The following HEXIM1 variants were observed in gnomAD, a reference collection of about 807,000 sequenced individuals.
HEXIM1 encodes HEXIM P-TEFb complex subunit 1, also known as protein HEXIM1.
Under a neutral mutation model 30.3 loss-of-function variants are expected in HEXIM1, and 1 was observed. The observed-to-expected ratio is 0.03, with a 90% confidence interval of 0.01 to 0.16. HEXIM1 has a LOEUF of 0.16. Ranked by LOEUF, HEXIM1 falls within the 10% of genes least tolerant of loss-of-function variation. The probability of loss-of-function intolerance (pLI) is 1.00; values close to 1 mark genes in which losing one functional copy is unlikely to be tolerated. For missense variants in HEXIM1, 391 were observed against 476.4 expected (o/e 0.82, Z 1.67); for synonymous variants, 245 against 208.3 (o/e 1.18, Z -1.52).
Position 45,149,241 on chromosome 17 carries a change from C to A in HEXIM1, c.51C>A (p.Asn17Lys). Residue 17 changes from asparagine (N) to lysine (K), a missense_variant, in exon 1 of 1, where the codon AAC becomes AAA. By Grantham distance (94) the Asn-to-Lys change is moderately conservative (BLOSUM62 0). Coordinates refer to ENST00000332499, the MANE Select transcript of HEXIM1 (RefSeq NM_006460.3). The surrounding 1 kb of genome is among the most constrained non-coding windows in gnomAD (Gnocchi z 5.3). The stretch of plus-strand genomic sequence containing the variant: ...ATCAACACCAGCCTCAAACTAGCAA[C>A]TGTACAGGTGCTGCTGCTGTCCAGG... ...SEYQHQPQTSNCTGAAAVQEE... is the reference protein window; with the variant it reads ...SEYQHQPQTSKCTGAAAVQEE... 1 of 1,613,890 alleles carries A rather than the reference C, an allele frequency of 6.2e-7. No homozygotes were observed. The highest frequency in any genetic ancestry group is 8.5e-7 in the Non-Finnish European group (1 of 1,180,032).
rs756233346 is a variant in HEXIM1, at chr17:45,149,415, G to C, written c.225G>C (p.Gln75His). ...TGGAATCCCAACCACCTCCCTTGCA[G>C]ACCCAGGCCTGTCCAGAATCTAGCT... ...GSLESQPPPL[Q>H]TQACPESSCL... Residue 75 changes from glutamine to histidine, a missense_variant, in exon 1 of 1, where the codon CAG (glutamine) becomes CAC (histidine). Transcript: ENST00000332499. This position sits in a 1 kb window ranked among gnomAD's most constrained non-coding sequence, Gnocchi z 5.3. The C allele has an allele frequency of 3.1e-6, 5 of 1,613,312 alleles. No homozygotes were observed. The highest frequency in any genetic ancestry group is 1.7e-5 in the Admixed American group (1 of 60,026).
In HEXIM1 at chr17:45,150,523, A is replaced by G. The variant is rs114205350; in HGVS notation, c.*253A>G. The stretch of plus-strand genomic sequence containing the variant: ...AAGTTTTTTTCCTTAATGTGAAAGT[A>G]ATTTGACCAAGTTATAATGCATTTT... On this transcript the variant is annotated 3_prime_UTR_variant, in exon 1 of 1. Transcript: ENST00000332499. The G allele has an allele frequency of 3.9e-3, 1,834 of 473,910 alleles. 22 individuals are homozygous for G. The highest frequency in any genetic ancestry group is 0.033 in the African/African-American group (1,679 of 50,276). The allele number at this position is 473,910 out of a possible 1,614,324, so 29.4% of individuals were successfully genotyped here. A position where few individuals can be genotyped will look rare whatever the true frequency, so the allele number is the denominator to read the frequency against.
Position 45,148,928 on chromosome 17 carries a change from C to CAGCGG in HEXIM1, c.-263_-262insAGCGG, listed in dbSNP as rs2055524065. ...GAGGCCCACCTCCGCCCATTACGTA[C>CAGCGG]TGTTCCTGCCGCTGCACCCCCTTGG... On this transcript the variant is annotated 5_prime_UTR_variant, in exon 1 of 1. Transcript: ENST00000332499. 1 of 485,310 alleles carries CAGCGG rather than the reference C, an allele frequency of 2.1e-6. No individual in the cohort carries two copies. The highest frequency in any genetic ancestry group is 3.6e-6 in the Non-Finnish European group (1 of 277,038). 30.1% of individuals were successfully genotyped at this position (485,310 alleles called of 1,614,324 possible).
In HEXIM1 at chr17:45,150,116, G is replaced by A; in HGVS notation, c.926G>A (p.Arg309Gln). ...SRMEDENNRLRLESKRLGGDD... is the reference protein window; with the variant it reads ...SRMEDENNRLQLESKRLGGDD... ...ATGGAGGACGAGAACAACCGGCTGCGGCTGGAGAGCAAGCGGCTGGGTGGC... is the reference window on the plus strand; with the variant it reads ...ATGGAGGACGAGAACAACCGGCTGCAGCTGGAGAGCAAGCGGCTGGGTGGC... The change falls in exon 1 of 1, where the codon CGG becomes CAG. Residue 309 changes from arginine to glutamine, a missense_variant. Around this residue, in one of 5 missense-constraint regions of HEXIM1, gnomAD observed 73 missense variants for 80.9 expected, o/e 0.90. Transcript: ENST00000332499. 3.1e-6 allele frequency: 5 copies of A among 1,613,802 alleles called. No individual in the cohort carries two copies. Among genetic ancestry groups the A allele is most frequent in the Non-Finnish European group, 4.2e-6 (5 of 1,180,028 alleles).
Position 45,149,109 on chromosome 17 carries a change from TTC to T in HEXIM1, c.-80_-79del, listed in dbSNP as rs369455400. On this transcript the variant is annotated 5_prime_UTR_variant, in exon 1 of 1. Transcript: ENST00000332499. The surrounding 1 kb of genome is among the most constrained non-coding windows in gnomAD (Gnocchi z 5.3). ...CTGTTGGACTGTTTTTTTTTTCTTT[TTC>T]TTTTTTTTAAGAAAAACCCATTTTT... The T allele has an allele frequency of 9.7e-3, 12,103 of 1,249,028 alleles. 26 individuals carry two copies. The highest frequency in any genetic ancestry group is 0.017 in the South Asian group (1,063 of 63,614). The allele number at this position is 1,249,028 out of a possible 1,614,324, so 77.4% of individuals were successfully genotyped here. A position where few individuals can be genotyped will look rare whatever the true frequency, so the allele number is the denominator to read the frequency against.
chr17:45,150,534 G>A lies in HEXIM1; in HGVS notation c.*264G>A. 9.1e-6 allele frequency: 4 copies of A among 438,868 alleles called. No homozygotes were observed. The highest frequency in any genetic ancestry group is 1.7e-5 in the Non-Finnish European group (4 of 240,366). The allele number at this position is 438,868 out of a possible 1,614,324, so 27.2% of individuals were successfully genotyped here. On this transcript the variant is annotated 3_prime_UTR_variant, in exon 1 of 1. Coordinates refer to ENST00000332499, the MANE Select transcript of HEXIM1 (RefSeq NM_006460.3). ...CTTAATGTGAAAGTAATTTGACCAA[G>A]TTATAATGCATTTTTGTTTTTAACA...
rs751673575 is a variant in HEXIM1 at position 45,149,377 on chromosome 17, G to A, written c.187G>A (p.Gly63Arg). ...GTTGGGTGGCCGTCCGGGGCCGGAG[G>A]GGGAAGGGAGCCTGGAATCCCAACC... ...PQLGGRPGPE[G>R]EGSLESQPPP... is the part of the protein sequence containing the mutation. The change falls in exon 1 of 1, where the codon GGG (glycine) becomes AGG (arginine). Residue 63 changes from glycine to arginine, a missense_variant. By Grantham distance (125) the Gly-to-Arg change is moderately radical (BLOSUM62 -2). Coordinates refer to ENST00000332499, the MANE Select transcript of HEXIM1 (RefSeq NM_006460.3). The surrounding 1 kb of genome is among the most constrained non-coding windows in gnomAD (Gnocchi z 5.3). The A allele has an allele frequency of 2.5e-6, 4 of 1,613,430 alleles. No homozygotes were observed. Among genetic ancestry groups the A allele is most frequent in the South Asian group, 1.1e-5 (1 of 91,082 alleles).
Position 45,148,619 on chromosome 17 carries a change from CA to C in HEXIM1, c.-569del, listed in dbSNP as rs2055521958. ...AACTGAGCAGAGCAGAGCATCGAGC[CA>C]AAGGGGAGATGAGTTTGTCTGTCCT... On this transcript the variant is annotated 5_prime_UTR_variant, in exon 1 of 1. Transcript: ENST00000332499. 2 of 399,194 alleles carry C rather than the reference CA, an allele frequency of 5.0e-6. No individual in the cohort carries two copies. Among genetic ancestry groups the C allele is most frequent in the African/African-American group, 4.1e-5 (2 of 48,558 alleles). 24.7% of individuals were successfully genotyped at this position (399,194 alleles called of 1,614,324 possible).
At position 45,150,195 on chromosome 17, in the gene HEXIM1, G is replaced by A. The variant is rs1047809248; in HGVS notation, c.1005G>A (p.Glu335=). 3 of 1,612,834 alleles carry A rather than the reference G, an allele frequency of 1.9e-6. No homozygotes were observed. The highest frequency in any genetic ancestry group is 1.3e-5 in the African/African-American group (1 of 74,930). ...TGGAGCTGGACCGGCTGCGCGCCGA[G>A]AACCTCCAGCTGCTGACCGAGAACG... ...LELELDRLRA[E]NLQLLTENEL... is the part of the protein sequence containing the mutation. Residue 335 remains glutamate (E), a synonymous_variant, in exon 1 of 1, where the codon GAG becomes GAA. Transcript: ENST00000332499.
Position 45,150,898 on chromosome 17 carries a change from G to A in HEXIM1, c.*628G>A, listed in dbSNP as rs1248079917. ...TACTTAAGTGTGCTTGCTTTCTAGT[G>A]CCTTGGTTTTCTTTCTTGATGCTGG... On this transcript the variant is annotated 3_prime_UTR_variant, in exon 1 of 1. Transcript: ENST00000332499. The A allele has an allele frequency of 6.0e-6, 1 of 167,004 alleles. No individual in the cohort carries two copies. Among genetic ancestry groups the A allele is most frequent in the Non-Finnish European group, 1.5e-5 (1 of 68,114 alleles). The allele number at this position is 167,004 out of a possible 1,614,324, so 10.3% of individuals were successfully genotyped here. A position where few individuals can be genotyped will look rare whatever the true frequency, so the allele number is the denominator to read the frequency against.
At position 45,149,107 on chromosome 17, in the gene HEXIM1, TTTTC is replaced by T. The variant is rs375433684; in HGVS notation, c.-80_-77del. The stretch of plus-strand genomic sequence containing the variant: ...CTCTGTTGGACTGTTTTTTTTTTCT[TTTTC>T]TTTTTTTTAAGAAAAACCCATTTTT... On this transcript the variant is annotated 5_prime_UTR_variant, in exon 1 of 1. Coordinates refer to ENST00000332499, the MANE Select transcript of HEXIM1 (RefSeq NM_006460.3). The surrounding 1 kb of genome is among the most constrained non-coding windows in gnomAD (Gnocchi z 5.3). 1.1e-5 allele frequency: 14 copies of T among 1,318,970 alleles called. No homozygotes were observed. The highest frequency in any genetic ancestry group is 1.5e-5 in the African/African-American group (1 of 66,374). 81.7% of individuals were successfully genotyped at this position (1,318,970 alleles called of 1,614,324 possible).
Position 45,149,703 on chromosome 17 carries a change from C to G in HEXIM1, c.513C>G (p.Thr171=). 6.2e-7 allele frequency: 1 copy of G among 1,612,844 alleles called. No homozygotes were observed. The highest frequency in any genetic ancestry group is 8.5e-7 in the Non-Finnish European group (1 of 1,179,974). The change falls in exon 1 of 1, where the codon ACC becomes ACG. Residue 171 remains threonine, a synonymous_variant. Transcript: ENST00000332499. This position sits in a 1 kb window ranked among gnomAD's most constrained non-coding sequence, Gnocchi z 5.3. ...KRHWKPYYKL[T]WEEKKKFDEK... ...ATTGGAAACCGTACTACAAGCTGAC[C>G]TGGGAAGAGAAGAAAAAGTTCGACG...
rs761441239 is a variant in HEXIM1, at chr17:45,149,195, C to A, written c.5C>A (p.Ala2Asp). Residue 2 changes from alanine to aspartate, a missense_variant, in exon 1 of 1, where the codon GCC (alanine) becomes GAC (aspartate). Physicochemically the swap from Ala to Asp is moderately radical, Grantham distance 126 (BLOSUM62 -2). Around this residue, in one of 5 missense-constraint regions of HEXIM1, gnomAD observed 230 missense variants for 199.4 expected, o/e 1.15. Coordinates refer to ENST00000332499, the MANE Select transcript of HEXIM1 (RefSeq NM_006460.3). This position sits in a 1 kb window ranked among gnomAD's most constrained non-coding sequence, Gnocchi z 5.3. ...ACTTCGAGGACTCTACTAGCCATGG[C>A]CGAGCCATTCTTGTCAGAATATCAA... MAEPFLSEYQHQ... is the reference protein window; with the variant it reads MDEPFLSEYQHQ... 4 of 1,609,344 alleles carry A rather than the reference C, an allele frequency of 2.5e-6. No homozygotes were observed. In the East Asian group the frequency reaches 6.7e-5, roughly 27 times the overall value.
Position 45,148,524 on chromosome 17 carries a change from G to A in HEXIM1, c.-667G>A. ...GAGGCAGGTTGGGAGGGAAAGTCGG[G>A]GGAGGACGCGGAAGAGGAGCTGTGG... On this transcript the variant is annotated 5_prime_UTR_variant, in exon 1 of 1. Transcript: ENST00000332499. The A allele has an allele frequency of 2.5e-6, 1 of 400,012 alleles. No homozygotes were observed. The highest frequency in any genetic ancestry group is 4.4e-6 in the Non-Finnish European group (1 of 227,052). The allele number at this position is 400,012 out of a possible 1,614,324, so 24.8% of individuals were successfully genotyped here. A position where few individuals can be genotyped will look rare whatever the true frequency, so the allele number is the denominator to read the frequency against.
Position 45,149,538 on chromosome 17 carries a change from G to A in HEXIM1, c.348G>A (p.Glu116=). The change falls in exon 1 of 1, where the codon GAG becomes GAA. Residue 116 remains glutamate, a synonymous_variant. Transcript: ENST00000332499. This position sits in a 1 kb window ranked among gnomAD's most constrained non-coding sequence, Gnocchi z 5.3. ...AAGTGGAACCGACGCCCGAGGCCGA[G>A]CTGCTCGCCCAGCCTTGTCATGACT... ...PAEVEPTPEA[E]LLAQPCHDSE... is the part of the protein sequence containing the mutation. The A allele has an allele frequency of 6.2e-7, 1 of 1,606,794 alleles. No homozygotes were observed. The highest frequency in any genetic ancestry group is 8.5e-7 in the Non-Finnish European group (1 of 1,177,108).
At position 45,150,173 on chromosome 17, in the gene HEXIM1, A is replaced by G; in HGVS notation, c.983A>G (p.Glu328Gly). Residue 328 changes from glutamate to glycine, a missense_variant, in exon 1 of 1, where the codon GAG (glutamate) becomes GGG (glycine). By Grantham distance (98) the Glu-to-Gly change is moderately conservative. This residue lies in a region of HEXIM1 where 73 missense variants were observed against 80.9 expected (regional missense o/e 0.90). Coordinates refer to ENST00000332499, the MANE Select transcript of HEXIM1 (RefSeq NM_006460.3). ...GCGCGTGTGCGGGAGCTGGAGCTGG[A>G]GCTGGACCGGCTGCGCGCCGAGAAC... ...DDARVRELELELDRLRAENLQ... is the reference protein window; with the variant it reads ...DDARVRELELGLDRLRAENLQ... 6.2e-7 allele frequency: 1 copy of G among 1,613,222 alleles called. No individual in the cohort carries two copies. Among genetic ancestry groups the G allele is most frequent in the Non-Finnish European group, 8.5e-7 (1 of 1,179,926 alleles).
rs1465598501 is a variant in HEXIM1 at position 45,151,800 on chromosome 17, C to CT, written c.*1532dup. ...AGAGATTCATAAGATTGTCAAACTC[C>CT]TTGAAGGTTCAGAACCTCTGCAGGG... is the stretch of plus-strand genomic sequence containing the variant. On this transcript the variant is annotated 3_prime_UTR_variant, in exon 1 of 1. Transcript: ENST00000332499. 1 of 167,080 alleles carries CT rather than the reference C, an allele frequency of 6.0e-6. No individual in the cohort carries two copies. The highest frequency in any genetic ancestry group is 2.4e-5 in the African/African-American group (1 of 41,454). The allele number at this position is 167,080 out of a possible 1,614,324, so 10.3% of individuals were successfully genotyped here.
At position 45,150,575 on chromosome 17, in the gene HEXIM1, C is replaced by T. The variant is rs1275691821; in HGVS notation, c.*305C>T. 2.2e-5 allele frequency: 7 copies of T among 321,730 alleles called. No homozygotes were observed. The highest frequency in any genetic ancestry group is 4.4e-5 in the African/African-American group (2 of 45,904). 19.9% of individuals were successfully genotyped at this position (321,730 alleles called of 1,614,324 possible). A position where few individuals can be genotyped will look rare whatever the true frequency, so the allele number is the denominator to read the frequency against. The stretch of plus-strand genomic sequence containing the variant: ...GTTTTTAACAAATCCCCTCCTTAAA[C>T]GGAGCTATAAGGTGGCCAAATCTGA... On this transcript the variant is annotated 3_prime_UTR_variant, in exon 1 of 1. Coordinates refer to ENST00000332499, the MANE Select transcript of HEXIM1 (RefSeq NM_006460.3).
rs1160187471 is a variant in HEXIM1 at position 45,148,655 on chromosome 17, C to T, written c.-536C>T. 3 of 400,422 alleles carry T rather than the reference C, an allele frequency of 7.5e-6. No homozygotes were observed. Among genetic ancestry groups the T allele is most frequent in the Non-Finnish European group, 1.3e-5 (3 of 227,236 alleles). 24.8% of individuals were successfully genotyped at this position (400,422 alleles called of 1,614,324 possible). ...TGAGTTTGTCTGTCCTCTGCTGAGG[C>T]TACGGCCGGGCCTAGGGAACTGGGA... On this transcript the variant is annotated 5_prime_UTR_variant, in exon 1 of 1. Coordinates refer to ENST00000332499, the MANE Select transcript of HEXIM1 (RefSeq NM_006460.3).
Sources: allele counts gnomAD v4.1 joint callset, GRCh38; gene constraint gnomAD v4.1.1; regional missense constraint gnomAD v4.1.1; non-coding constraint Gnocchi (gnomAD v3.1); transcripts MANE v1.5; gene names NCBI Gene and HGNC (gene_info 2026-07-23, HGNC 2026-07-21).